Variants in VAV3 observed in about 807,000 individuals in gnomAD.
VAV3 encodes guanine nucleotide exchange factor VAV3.
VAV3 carries 94 observed loss-of-function variants against 131.2 expected under a neutral mutation model. That is an observed-to-expected ratio of 0.72 (90% CI 0.61 to 0.85). VAV3 has a LOEUF of 0.85. Among genes scored for constraint, VAV3 ranks in the 40% least tolerant of loss-of-function variants. The pLI, the probability that VAV3 is intolerant of heterozygous loss-of-function variation, is 0.00. For synonymous variants in VAV3, 349 were observed against 342.0 expected, an observed-to-expected ratio of 1.02 and a Z score of -0.22; for missense variants, 939 against 1,002.7, an observed-to-expected ratio of 0.94 and a Z score of 0.86.
At chr1:107,755,618 C>CAGTGGTTA in intron 11 of VAV3, 105 bp from the exon 12 acceptor site, 1 of 756,126 alleles carries the variant, frequency 1.3e-6, no homozygotes, top group Admixed American at 2.7e-5. Context: ...GTAAAAGTAA[C>CAGTGGTTA]CACTGTAACT....
intron 15 of VAV3, among the ~76,000 whole-genome samples, chr1:107,731,619 A>G (rs1662243417): frequency 6.6e-6 from 1 of 152,218 alleles, no homozygotes; most frequent in Non-Finnish European, 1.5e-5. Context: ...AATCTTCTAT[A>G]GTAAAATCTT....
At chr1:107,844,555 A>C (rs1668876878) in intron 2 of VAV3, among the ~76,000 whole-genome samples, 1 of 152,182 alleles carries the variant, frequency 6.6e-6, no homozygotes, top group Admixed American at 6.5e-5. Flanking sequence ...GAGCCCCATA[A>C]GCTAAGATCC....
At chr1:107,763,421 T>C (rs1027100422) in intron 9 of VAV3, among the ~76,000 whole-genome samples, 2 of 152,250 alleles carry the variant, frequency 1.3e-5, no homozygotes, top group African/African-American at 4.8e-5. Flanking sequence ...GGAGGTGTGA[T>C]TGACAACTTG....
chr1:107,863,497 T>C (rs987423977), intron 2 of VAV3, among the ~76,000 whole-genome samples: 5 of 152,338 alleles, frequency 3.3e-5, no homozygotes, highest in African/African-American at 1.2e-4. Context: ...GTGCAGACCC[T>C]GCAAGATCTC....
At position 107,727,139 on chromosome 1, in the gene VAV3, A is replaced by G. The variant is rs140339667; in HGVS notation, c.1502+21829T>C. Among the ~76,000 whole-genome samples the G allele has an allele frequency of 7.9e-3, 1,207 of 152,350 alleles. 22 individuals carry two copies. The highest frequency in any genetic ancestry group is 0.028 in the African/African-American group (1,153 of 41,574). On this transcript the variant is annotated intron_variant, in intron 15 of 26. Coordinates refer to ENST00000370056, the MANE Select transcript of VAV3 (RefSeq NM_006113.5). ...CTTTTGCCATGCAAAACAAAAATAG[A>G]TTACAAATAGTTTTCAAACCCCTCT...
At chr1:107,602,530 G>A (rs1161142547) in intron 23 of VAV3, 46 bp from the exon 24 acceptor site, 2 of 1,439,750 alleles carry the variant, frequency 1.4e-6, no homozygotes, top group Admixed American at 2.5e-5. Flanking sequence ...TTTTTAATCA[G>A]TAGAAATCAA....
intron 17 of VAV3, among the ~76,000 whole-genome samples, chr1:107,697,930 G>A (rs1285793154): frequency 6.6e-6 from 1 of 152,164 alleles, no homozygotes; most frequent in Non-Finnish European, 1.5e-5. Flanking sequence ...ATTCAGTACT[G>A]GGCTTTTGAC....
At chr1:107,656,956 T>C (rs949885847) in intron 19 of VAV3, among the ~76,000 whole-genome samples, 1 of 143,870 alleles carries the variant, frequency 7.0e-6, no homozygotes, top group Non-Finnish European at 1.5e-5. Context: ...TTTTTTTTTT[T>C]TTTTTTTTTT....
chr1:107,582,512 C>T (rs1233008290), intron 25 of VAV3, among the ~76,000 whole-genome samples: 1 of 151,776 alleles, frequency 6.6e-6, no homozygotes, highest in African/African-American at 2.4e-5. Flanking sequence ...GCTGCACCCA[C>T]TAACTCGTCA....
intron 1 of VAV3, among the ~76,000 whole-genome samples, chr1:107,938,509 AATGGAAGAG>A (rs1172915648): frequency 6.6e-6 from 1 of 152,172 alleles, no homozygotes; most frequent in African/African-American, 2.4e-5. Flanking sequence ...AAGGGGCAGA[AATGGAAGAG>A]GAAGCAGGCA....
chr1:107,680,796 T>C (rs1180785293), intron 19 of VAV3, among the ~76,000 whole-genome samples: 1 of 152,140 alleles, frequency 6.6e-6, no homozygotes, highest in Non-Finnish European at 1.5e-5. Flanking sequence ...GAGGAAACTA[T>C]GGCACAGAGA....
intron 2 of VAV3, among the ~76,000 whole-genome samples, chr1:107,805,660 C>T (rs1222937381): frequency 6.6e-6 from 1 of 152,156 alleles, no homozygotes; most frequent in East Asian, 1.9e-4. Flanking sequence ...GGTTTGGTCA[C>T]TGGTTCCCTT....
chr1:107,707,382 A>T (rs750834429), intron 15 of VAV3, among the ~76,000 whole-genome samples: 28 of 152,200 alleles, frequency 1.8e-4, no homozygotes, highest in Admixed American at 9.2e-4. Context: ...GTTAGTGAGT[A>T]TAAAACAGGA....
intron 1 of VAV3, among the ~76,000 whole-genome samples, chr1:107,893,901 T>G (rs1344651578): frequency 6.6e-6 from 1 of 152,206 alleles, no homozygotes; most frequent in Admixed American, 6.5e-5. Flanking sequence ...GATCCCAAAA[T>G]AGGAAAACTC....
chr1:107,768,376 C>A, intron 7 of VAV3, 65 bp downstream of exon 7: 2 of 1,179,080 alleles, frequency 1.7e-6, no homozygotes, highest in South Asian at 2.9e-5. Context: ...GGATCTGGAA[C>A]CCCCTAAGGA....
At chr1:107,731,272 C>A (rs1662221837) in intron 15 of VAV3, among the ~76,000 whole-genome samples, 1 of 152,198 alleles carries the variant, frequency 6.6e-6, no homozygotes, top group African/African-American at 2.4e-5. Context: ...TTTGTGAGGA[C>A]AACAGCATCT....
chr1:107,733,612 G>T (rs187687166), intron 15 of VAV3, among the ~76,000 whole-genome samples: 124 of 152,228 alleles, frequency 8.1e-4, no homozygotes, highest in African/African-American at 2.9e-3. Context: ...TTCGGTAGCC[G>T]ATTCAATCAA....
At chr1:107,641,699 A>G (rs55676805) in intron 20 of VAV3, among the ~76,000 whole-genome samples, 7,821 of 152,242 alleles carry the variant, frequency 0.051, 221 homozygotes, top group Middle Eastern at 0.088. Flanking sequence ...GTAAAAAGCA[A>G]ATATGGTCAG....
intron 2 of VAV3, among the ~76,000 whole-genome samples, chr1:107,811,475 A>G (rs1667314560): frequency 6.6e-6 from 1 of 152,244 alleles, no homozygotes; most frequent in Non-Finnish European, 1.5e-5. Context: ...TTAATACAAA[A>G]TAAGAGAACT....
Sources: allele counts gnomAD v4.1 joint callset (sites outside exome capture counted in the v4.1 genomes callset), GRCh38; gene constraint gnomAD v4.1.1; transcripts MANE v1.5; gene names NCBI Gene and HGNC (gene_info 2026-07-23, HGNC 2026-07-21).